Variants in OR2V2 observed in about 807,000 individuals in gnomAD.
The protein encoded by OR2V2 is olfactory receptor 2V2.
For missense variants in OR2V2, 392 were observed against 392.2 expected, an observed-to-expected ratio of 1.00 and a Z score of 0.00; for synonymous variants, 161 against 151.3, an observed-to-expected ratio of 1.06 and a Z score of -0.47.
rs753566029 is a variant in OR2V2, at chr5:181,155,897, G to A, written c.*7G>A. 16 of 1,604,308 alleles carry A rather than the reference G, an allele frequency of 1.0e-5. No homozygotes were observed. Among genetic ancestry groups the A allele is most frequent in the South Asian group, 2.2e-5 (2 of 90,742 alleles). ...GATCGGCAGCCAGCACTGAACCCAG[G>A]GCATCCAGTGCCTGGCTCTGCCATC... On this transcript the variant is annotated 3_prime_UTR_variant, in exon 2 of 2. Transcript: ENST00000641492.
intron 1 of OR2V2, among the ~76,000 whole-genome samples, 190 bp downstream of exon 1, chr5:181,148,185 C>T (rs1373944613): frequency 6.6e-6 from 1 of 152,234 alleles, no homozygotes; most frequent in Non-Finnish European, 1.5e-5. Flanking sequence ...TCTCCTCACT[C>T]TTCTCGTCTT....
At position 181,154,904 on chromosome 5, in the gene OR2V2, T is replaced by C; in HGVS notation, c.-24-15T>C. ...AGATGTCAGTCAATGTAACACATCT[T>C]GTCCATATTCTCAGGTGACCAGGAG... On this transcript the variant is annotated splice_polypyrimidine_tract_variant and intron_variant, in intron 1 of 1. Transcript: ENST00000641492. The C allele has an allele frequency of 7.4e-7, 1 of 1,358,786 alleles. No homozygotes were observed. The allele number at this position is 1,358,786 out of a possible 1,614,324, so 84.2% of individuals were successfully genotyped here. A position where few individuals can be genotyped will look rare whatever the true frequency, so the allele number is the denominator to read the frequency against.
rs200724682 is a variant in OR2V2, at chr5:181,155,681, A to C, written c.739A>C (p.Thr247Pro). Residue 247 changes from threonine (T) to proline (P), a missense_variant, in exon 2 of 2, where the codon ACA (threonine) becomes CCA (proline). Coordinates refer to ENST00000641492, the MANE Select transcript of OR2V2 (RefSeq NM_206880.2). ...KALATCSSHLTAVTLFYGAAM... is the reference protein window; with the variant it reads ...KALATCSSHLPAVTLFYGAAM... ...CCTGGCCACCTGCTCCTCCCACCTG[A>C]CAGCTGTCACCCTCTTCTATGGGGC... is the stretch of plus-strand genomic sequence containing the variant. The C allele has an allele frequency of 4.0e-5, 65 of 1,613,998 alleles. No homozygotes were observed. Among genetic ancestry groups the C allele is most frequent in the Non-Finnish European group, 5.2e-5 (61 of 1,180,030 alleles).
intron 1 of OR2V2, among the ~76,000 whole-genome samples, 179 bp from the exon 2 acceptor site, chr5:181,154,740 A>T (rs2113347926): frequency 6.6e-6 from 1 of 152,272 alleles, no homozygotes; most frequent in Middle Eastern, 3.4e-3. Flanking sequence ...GTCCAATTCT[A>T]GGAGCCAGGA....
rs1044902340 is a variant in OR2V2 at position 181,158,785 on chromosome 5, T to A, written c.*2895T>A. 12 of 149,952 alleles carry A rather than the reference T, an allele frequency of 8.0e-5. No individual in the cohort carries two copies. Among genetic ancestry groups the A allele is most frequent in the Non-Finnish European group, 1.3e-4 (9 of 67,446 alleles). 9.3% of individuals were successfully genotyped at this position (149,952 alleles called of 1,614,324 possible). On this transcript the variant is annotated 3_prime_UTR_variant, in exon 2 of 2. Transcript: ENST00000641492. The stretch of plus-strand genomic sequence containing the variant: ...CCTGACATTTTTTATAATTAACAGT[T>A]TAAAATGCTCAAGGCCAGTTTTTTT...
At chr5:181,153,010 C>A (rs905455114) in intron 1 of OR2V2, among the ~76,000 whole-genome samples, 2 of 152,236 alleles carry the variant, frequency 1.3e-5, no homozygotes, top group African/African-American at 4.8e-5. Context: ...AGCGGGGAAG[C>A]ACTGCAGTGC....
At chr5:181,148,061 T>G in intron 1 of OR2V2, 66 bp downstream of exon 1, 1 of 399,124 alleles carries the variant, frequency 2.5e-6, no homozygotes, top group Non-Finnish European at 4.4e-6. Flanking sequence ...CGTTGCTGGT[T>G]CACGTCCCCA....
At chr5:181,148,927 G>A (rs1181912567) in intron 1 of OR2V2, among the ~76,000 whole-genome samples, 1 of 152,220 alleles carries the variant, frequency 6.6e-6, no homozygotes, top group Non-Finnish European at 1.5e-5. Flanking sequence ...GCCTTGTCCT[G>A]CTGTGTGAGG....
intron 1 of OR2V2, among the ~76,000 whole-genome samples, chr5:181,152,122 A>G (rs1763198899): frequency 6.6e-6 from 1 of 152,026 alleles, no homozygotes; most frequent in Admixed American, 6.6e-5. Flanking sequence ...ACTCACATCC[A>G]TTTTCCTTTT....
intron 1 of OR2V2, among the ~76,000 whole-genome samples, chr5:181,154,404 A>G (rs998702189): frequency 6.6e-6 from 1 of 152,034 alleles, no homozygotes; most frequent in Admixed American, 6.5e-5. Context: ...CCTGCCTAAC[A>G]CGGTGAAACC....
Position 181,148,566 on chromosome 5 carries a change from CATT to C in OR2V2, c.-25+575_-25+577del, listed in dbSNP as rs1303391285. ...ATTCAGTTGTATTTCATAAAACAAT[CATT>C]ATTCATTAATCACGTGGTTACTGAG... On this transcript the variant is annotated intron_variant, in intron 1 of 1. Coordinates refer to ENST00000641492, the MANE Select transcript of OR2V2 (RefSeq NM_206880.2). Among the ~76,000 whole-genome samples, 13 of 152,148 alleles carry C rather than the reference CATT, an allele frequency of 8.5e-5. No homozygotes were observed. In the East Asian group the frequency reaches 1.9e-3, roughly 23 times the overall value.
At position 181,155,992 on chromosome 5, in the gene OR2V2, G is replaced by A; in HGVS notation, c.*102G>A. 9.7e-7 allele frequency: 1 copy of A among 1,028,400 alleles called. No individual in the cohort carries two copies. Among genetic ancestry groups the A allele is most frequent in the African/African-American group, 1.6e-5 (1 of 61,264 alleles). The allele number at this position is 1,028,400 out of a possible 1,614,324, so 63.7% of individuals were successfully genotyped here. A position where few individuals can be genotyped will look rare whatever the true frequency, so the allele number is the denominator to read the frequency against. ...TCTTGGTTTCCTCGTGAATTATGATGATTGTGACACCCTCAGACTTGGAAG... is the reference window on the plus strand; with the variant it reads ...TCTTGGTTTCCTCGTGAATTATGATAATTGTGACACCCTCAGACTTGGAAG... On this transcript the variant is annotated 3_prime_UTR_variant, in exon 2 of 2. Coordinates refer to ENST00000641492, the MANE Select transcript of OR2V2 (RefSeq NM_206880.2).
rs56017269 is a variant in OR2V2 at position 181,156,681 on chromosome 5, G to A, written c.*791G>A. ...TTCGCTCTGTGATCTATGTGTAGACGTAGATCCCACCTGCATGATGTTTAT... is the reference window on the plus strand; with the variant it reads ...TTCGCTCTGTGATCTATGTGTAGACATAGATCCCACCTGCATGATGTTTAT... On this transcript the variant is annotated 3_prime_UTR_variant, in exon 2 of 2. Transcript: ENST00000641492. 19,019 of 152,122 alleles carry A rather than the reference G, an allele frequency of 0.13. 2,006 individuals carry two copies. The highest frequency in any genetic ancestry group is 0.29 in the African/African-American group (11,902 of 41,446). 9.4% of individuals were successfully genotyped at this position (152,122 alleles called of 1,614,324 possible).
At chr5:181,149,315 G>C (rs934593911) in intron 1 of OR2V2, among the ~76,000 whole-genome samples, 1 of 152,122 alleles carries the variant, frequency 6.6e-6, no homozygotes, top group African/African-American at 2.4e-5. Context: ...TGTGAGAGGA[G>C]AGGACTCCAG....
At chr5:181,149,563 T>A (rs1452582046) in intron 1 of OR2V2, among the ~76,000 whole-genome samples, 1 of 152,204 alleles carries the variant, frequency 6.6e-6, no homozygotes, top group Non-Finnish European at 1.5e-5. Context: ...CACATAGCAT[T>A]GCACAAGTTA....
Position 181,156,215 on chromosome 5 carries a change from T to A in OR2V2, c.*325T>A, listed in dbSNP as rs1451963512. 4.0e-6 allele frequency: 1 copy of A among 248,270 alleles called. No individual in the cohort carries two copies. The highest frequency in any genetic ancestry group is 7.7e-6 in the Non-Finnish European group (1 of 130,514). 15.4% of individuals were successfully genotyped at this position (248,270 alleles called of 1,614,324 possible). On this transcript the variant is annotated 3_prime_UTR_variant, in exon 2 of 2. Coordinates refer to ENST00000641492, the MANE Select transcript of OR2V2 (RefSeq NM_206880.2). ...TTGATCTCCTGGGCTCAGGTGAGTC[T>A]CCAACTCAGCCTCCTGAGTAGCTGG... is the stretch of plus-strand genomic sequence containing the variant.
chr5:181,154,960 C>T lies in OR2V2; in HGVS notation c.18C>T (p.Asn6=). The stretch of plus-strand genomic sequence containing the variant: ...ACCGAGCCATGGAGACGTGGGTGAA[C>T]CAGTCCTACACAGATGGCTTCTTCC... METWV[N]QSYTDGFFLL... is the part of the protein sequence containing the mutation. The change falls in exon 2 of 2, where the codon AAC becomes AAT. Residue 6 remains asparagine, a synonymous_variant. Transcript: ENST00000641492. 1.2e-6 allele frequency: 2 copies of T among 1,613,692 alleles called. No individual in the cohort carries two copies. Among genetic ancestry groups the T allele is most frequent in the Non-Finnish European group, 1.7e-6 (2 of 1,179,602 alleles).
rs1432371525 is a variant in OR2V2 at position 181,148,006 on chromosome 5, G to T, written c.-25+11G>T. 7.5e-6 allele frequency: 3 copies of T among 398,570 alleles called. No individual in the cohort carries two copies. The highest frequency in any genetic ancestry group is 1.3e-5 in the Non-Finnish European group (3 of 226,234). 24.7% of individuals were successfully genotyped at this position (398,570 alleles called of 1,614,324 possible). A position where few individuals can be genotyped will look rare whatever the true frequency, so the allele number is the denominator to read the frequency against. On this transcript the variant is annotated intron_variant, in intron 1 of 1. Transcript: ENST00000641492. ...GGGACCCACCCACAGGTGAGTGAGG[G>T]TCTTGTCCTGTCGTCCCCTCTCTCT... is the stretch of plus-strand genomic sequence containing the variant.
At position 181,155,294 on chromosome 5, in the gene OR2V2, C is replaced by T. The variant is rs758818035; in HGVS notation, c.352C>T (p.Leu118Phe). The T allele has an allele frequency of 6.2e-6, 10 of 1,614,038 alleles. No homozygotes were observed. Among genetic ancestry groups the T allele is most frequent in the Non-Finnish European group, 8.5e-6 (10 of 1,180,034 alleles). Reference protein sequence around the residue: ...LVGSEGLLLGLMAYDRYVAIS... With the variant: ...LVGSEGLLLGFMAYDRYVAIS... The stretch of plus-strand genomic sequence containing the variant: ...GGGATCTGAGGGGCTCTTGCTGGGA[C>T]TCATGGCTTATGACCGCTATGTGGC... The change falls in exon 2 of 2, where the codon CTC becomes TTC. Residue 118 changes from leucine to phenylalanine, a missense_variant. Transcript: ENST00000641492.
Sources: allele counts gnomAD v4.1 joint callset (sites outside exome capture counted in the v4.1 genomes callset), GRCh38; gene constraint gnomAD v4.1.1; transcripts MANE v1.5; gene names NCBI Gene and HGNC (gene_info 2026-07-23, HGNC 2026-07-21).